The following GRIK2 variants were observed in gnomAD, a reference collection of about 807,000 sequenced individuals.
GRIK2 encodes glutamate ionotropic receptor kainate type subunit 2.
GRIK2 carries 32 observed loss-of-function variants against 100.3 expected under a neutral mutation model. The ratio of observed to expected loss-of-function variants is 0.32; its 90% confidence interval spans 0.24 to 0.43. The LOEUF (loss-of-function observed/expected upper bound fraction) is 0.43, where lower values mean the gene tolerates loss of function less well. GRIK2 is among the 20% of genes least tolerant of loss of function. The pLI, the probability that GRIK2 is intolerant of heterozygous loss-of-function variation, is 1.00. For synonymous variants in GRIK2, 417 were observed against 389.4 expected, an observed-to-expected ratio of 1.07 and a Z score of -0.83; for missense variants, 843 against 1,114.9, an observed-to-expected ratio of 0.76 and a Z score of 3.47.
At chr6:101,931,456 AC>A (rs1790279560) in intron 14 of GRIK2, among the ~76,000 whole-genome samples, 1 of 152,154 alleles carries the variant, frequency 6.6e-6, no homozygotes, top group South Asian at 2.1e-4. Flanking sequence ...ATTATAAAAA[AC>A]GATACAGTTT....
rs938256367 is a variant in GRIK2 at position 101,542,845 on chromosome 6, C to T, written c.116-79104C>T. On this transcript the variant is annotated intron_variant, in intron 2 of 16. Coordinates refer to ENST00000369134, the MANE Select transcript of GRIK2 (RefSeq NM_021956.5). ...AGAATGCTACACCAATAATTATGCC[C>T]TTTTTTTGTTTTGAATGTCATCAAA... Among the ~76,000 whole-genome samples the T allele has an allele frequency of 6.6e-5, 10 of 151,996 alleles. 1 individual carries two copies. The highest frequency in any genetic ancestry group is 2.4e-4 in the African/African-American group (10 of 41,484).
At chr6:101,977,962 G>A (rs1243810484) in intron 14 of GRIK2, among the ~76,000 whole-genome samples, 2 of 151,960 alleles carry the variant, frequency 1.3e-5, no homozygotes, top group African/African-American at 2.4e-5. Flanking sequence ...TTGTGAGTTA[G>A]ATGCAGCAAT....
chr6:101,796,570 G>A (rs1225751648), intron 7 of GRIK2, among the ~76,000 whole-genome samples: 3 of 152,162 alleles, frequency 2.0e-5, no homozygotes, highest in African/African-American at 7.2e-5. Flanking sequence ...AAACCAAAAA[G>A]TACCCCAAAC....
intron 4 of GRIK2, among the ~76,000 whole-genome samples, chr6:101,672,744 C>T (rs1770533662): frequency 6.6e-6 from 1 of 152,050 alleles, no homozygotes; most frequent in Non-Finnish European, 1.5e-5. Flanking sequence ...ATAATGAACT[C>T]CAGCTCTGTC....
intron 14 of GRIK2, among the ~76,000 whole-genome samples, chr6:101,991,122 C>T (rs926013203): frequency 1.2e-4 from 18 of 151,844 alleles, no homozygotes; most frequent in Non-Finnish European, 2.1e-4. Context: ...TGATAGTTTT[C>T]CTCCATGTGA....
At chr6:101,685,417 T>C (rs1771605654) in intron 6 of GRIK2, among the ~76,000 whole-genome samples, 1 of 152,082 alleles carries the variant, frequency 6.6e-6, no homozygotes, top group South Asian at 2.1e-4. Context: ...ATATTGTCCA[T>C]AAGTTCGAGG....
intron 7 of GRIK2, among the ~76,000 whole-genome samples, chr6:101,700,942 C>T (rs1043380668): frequency 2.0e-5 from 3 of 152,076 alleles, no homozygotes; most frequent in African/African-American, 7.2e-5. Flanking sequence ...TAGAGCTTTG[C>T]AGCTTAGGTG....
intron 2 of GRIK2, among the ~76,000 whole-genome samples, chr6:101,410,665 A>G (rs1166241828): frequency 6.6e-6 from 1 of 152,150 alleles, no homozygotes; most frequent in Non-Finnish European, 1.5e-5. Flanking sequence ...ACTTAAATAC[A>G]ATTTTATATT....
chr6:101,429,674 G>GT (rs979337286), intron 2 of GRIK2, among the ~76,000 whole-genome samples: 1 of 151,858 alleles, frequency 6.6e-6, no homozygotes, highest in African/African-American at 2.4e-5. Flanking sequence ...AATGGAGAGG[G>GT]TTTTTTTCTT....
rs372313674 is a variant in GRIK2, at chr6:102,068,480, G to A, written c.2696G>A (p.Arg899Lys). The change falls in exon 17 of 17, where the codon AGA becomes AAA. Residue 899 changes from arginine (R) to lysine (K), a missense_variant. By Grantham distance (26) the Arg-to-Lys change is conservative. This residue lies in a region of GRIK2 where 87 missense variants were observed against 83.2 expected (regional missense o/e 1.05). Transcript: ENST00000369134. Reference sequence around the variant, plus strand: ...ATCAACATGCACACATTTAACGACAGAAGGTTGCCAGGTAAAGAAACCATG... The same window carrying A: ...ATCAACATGCACACATTTAACGACAAAAGGTTGCCAGGTAAAGAAACCATG... Reference protein sequence around the residue: ...EVINMHTFNDRRLPGKETMA With the variant: ...EVINMHTFNDKRLPGKETMA 1 of 1,611,696 alleles carries A rather than the reference G, an allele frequency of 6.2e-7. No individual in the cohort carries two copies. Among genetic ancestry groups the A allele is most frequent in the Non-Finnish European group, 8.5e-7 (1 of 1,178,550 alleles).
intron 2 of GRIK2, among the ~76,000 whole-genome samples, chr6:101,562,740 A>T (rs1311904337): frequency 6.6e-6 from 1 of 152,108 alleles, no homozygotes; most frequent in African/African-American, 2.4e-5. Flanking sequence ...TGATTAAATG[A>T]TGTAATATAT....
At chr6:101,867,132 A>G (rs970320858) in intron 11 of GRIK2, among the ~76,000 whole-genome samples, 4 of 151,998 alleles carry the variant, frequency 2.6e-5, no homozygotes, top group African/African-American at 7.3e-5. Flanking sequence ...TATTAAGTCC[A>G]TACTGATTGG....
intron 2 of GRIK2, among the ~76,000 whole-genome samples, chr6:101,524,856 C>T (rs765712190): frequency 5.9e-5 from 9 of 151,878 alleles, no homozygotes; most frequent in East Asian, 1.9e-4. Flanking sequence ...CTCAGACTTC[C>T]GAGTAGCTGG....
intron 2 of GRIK2, among the ~76,000 whole-genome samples, chr6:101,597,871 C>G (rs1439773911): frequency 2.0e-5 from 3 of 151,706 alleles, no homozygotes; most frequent in African/African-American, 4.8e-5. Context: ...AGGATTCTGT[C>G]CTGCGGTGGC....
intron 7 of GRIK2, among the ~76,000 whole-genome samples, chr6:101,723,696 T>C (rs1378419627): frequency 6.6e-6 from 1 of 151,946 alleles, no homozygotes; most frequent in African/African-American, 2.4e-5. Context: ...GTAAGTGAAG[T>C]CTAATAAAAC....
intron 4 of GRIK2, among the ~76,000 whole-genome samples, chr6:101,657,434 T>C (rs1028039112): frequency 6.6e-6 from 1 of 152,124 alleles, no homozygotes; most frequent in South Asian, 2.1e-4. Context: ...CCTTTATAAA[T>C]TACGCAGTCT....
intron 2 of GRIK2, among the ~76,000 whole-genome samples, chr6:101,601,813 C>G (rs1779224653): frequency 1.3e-5 from 2 of 151,520 alleles, no homozygotes; most frequent in African/African-American, 4.8e-5. Flanking sequence ...TTATTTGGAG[C>G]TTCTCTTTTT....
intron 2 of GRIK2, among the ~76,000 whole-genome samples, chr6:101,514,956 GT>G (rs1050515906): frequency 1.3e-5 from 2 of 152,040 alleles, no homozygotes; most frequent in African/African-American, 2.4e-5. Flanking sequence ...ACATGAGTAA[GT>G]TTTTTATTGG....
chr6:101,883,761 G>T (rs937595666), intron 11 of GRIK2, among the ~76,000 whole-genome samples: 9 of 152,130 alleles, frequency 5.9e-5, no homozygotes, highest in Non-Finnish European at 1.2e-4. Flanking sequence ...CAAGCGTAAG[G>T]CCTGGAAAAA....
Sources: allele counts gnomAD v4.1 joint callset (sites outside exome capture counted in the v4.1 genomes callset), GRCh38; gene constraint gnomAD v4.1.1; regional missense constraint gnomAD v4.1.1; transcripts MANE v1.5; gene names NCBI Gene and HGNC (gene_info 2026-07-23, HGNC 2026-07-21).